The following SREK1IP1 variants were observed in gnomAD, a reference collection of about 807,000 sequenced individuals.
SREK1IP1 encodes the protein SREK1 interacting protein 1.
Under a neutral mutation model 22.8 loss-of-function variants are expected in SREK1IP1, and 12 were observed. The ratio of observed to expected loss-of-function variants is 0.53; its 90% CI spans 0.34 to 0.85. The LOEUF (loss-of-function observed/expected upper bound fraction) is 0.85, where lower values mean the gene tolerates loss of function less well. SREK1IP1 is among the 40% of genes least tolerant of loss of function. The pLI is 0.02. For synonymous variants in SREK1IP1, 53 were observed against 52.7 expected (o/e 1.01, Z -0.02); for missense variants, 147 against 171.8 (o/e 0.86, Z 0.81).
At chr5:64,732,906 C>G (rs1742402191) in intron 3 of SREK1IP1, among the ~76,000 whole-genome samples, 1 of 149,620 alleles carries the variant, frequency 6.7e-6, no homozygotes, top group Non-Finnish European at 1.5e-5. Flanking sequence ...ATAGAACCAA[C>G]TGATTTTTTG....
At chr5:64,741,657 T>C (rs1295378586) in intron 2 of SREK1IP1, among the ~76,000 whole-genome samples, 2 of 152,130 alleles carry the variant, frequency 1.3e-5, no homozygotes, top group African/African-American at 4.8e-5. Flanking sequence ...CATAATAATA[T>C]ACAAGCATTA....
At chr5:64,727,887 T>G (rs529305945) in intron 4 of SREK1IP1, 1 of 332,196 alleles carries the variant, frequency 3.0e-6, no homozygotes, top group Admixed American at 6.1e-5. Flanking sequence ...ATAAGTTAAT[T>G]TATTAGCCAT....
At chr5:64,741,023 AC>A in intron 3 of SREK1IP1, 33 bp downstream of exon 3, 1 of 1,580,404 alleles carries the variant, frequency 6.3e-7, no homozygotes, top group Non-Finnish European at 8.7e-7. Flanking sequence ...ACATTTACAA[AC>A]ATTTCTAAAG....
Position 64,760,409 on chromosome 5 carries a change from G to A in SREK1IP1, c.14-6047C>T, listed in dbSNP as rs539484270. On this transcript the variant is annotated intron_variant, in intron 1 of 4. Transcript: ENST00000513458. ...AAGACAGCTGGGCACAAAGGGAGGT[G>A]GGGGGAAAGTCTCTTGAGCAACTGC... Among the ~76,000 whole-genome samples the A allele has an allele frequency of 5.3e-5, 8 of 152,308 alleles. No homozygotes were observed. The South Asian group carries it at 1.0e-3, about 20-fold the overall frequency.
intron 1 of SREK1IP1, among the ~76,000 whole-genome samples, chr5:64,763,695 C>G (rs1213662479): frequency 6.6e-6 from 1 of 152,164 alleles, no homozygotes; most frequent in Non-Finnish European, 1.5e-5. Context: ...AATCAACCCT[C>G]TAATTATTCA....
Position 64,747,362 on chromosome 5 carries a change from G to T in SREK1IP1, c.62-6162C>A, listed in dbSNP as rs189238807. On this transcript the variant is annotated intron_variant, in intron 2 of 4. Coordinates refer to ENST00000513458, the MANE Select transcript of SREK1IP1 (RefSeq NM_173829.4). ...ATTATCTAGGAGCCTCCCAAGAATC[G>T]CCTTATTAGTATAAACTCAGGCATG... Among the ~76,000 whole-genome samples, 8 of 152,032 alleles carry T rather than the reference G, an allele frequency of 5.3e-5. 1 individual carries two copies. The East Asian group carries it at 5.8e-4, about 11-fold the overall frequency.
intron 3 of SREK1IP1, among the ~76,000 whole-genome samples, chr5:64,729,737 G>A (rs1378765833): frequency 6.6e-6 from 1 of 152,160 alleles, no homozygotes; most frequent in Non-Finnish European, 1.5e-5. Context: ...ATGATGGAAC[G>A]AAAGGAATCA....
intron 1 of SREK1IP1, among the ~76,000 whole-genome samples, chr5:64,762,717 C>T (rs1261467348): frequency 6.6e-6 from 1 of 152,038 alleles, no homozygotes; most frequent in Non-Finnish European, 1.5e-5. Context: ...TTTCTCAATG[C>T]AAGTATTCTG....
chr5:64,720,087 C>T lies in SREK1IP1; in HGVS notation c.*4297G>A, dbSNP rs1742131644. On this transcript the variant is annotated 3_prime_UTR_variant, in exon 5 of 5. Transcript: ENST00000513458. The stretch of plus-strand genomic sequence containing the variant: ...CACAGGTTAAGCCAAATTTTAAAAG[C>T]AAGGGGCCTTATTAAATTACAGCAC... 6.6e-6 allele frequency: 1 copy of T among 152,270 alleles called. No individual in the cohort carries two copies. 9.4% of individuals were successfully genotyped at this position (152,270 alleles called of 1,614,324 possible).
chr5:64,737,486 A>T (rs946709432), intron 3 of SREK1IP1, among the ~76,000 whole-genome samples: 25 of 149,176 alleles, frequency 1.7e-4, no homozygotes, highest in African/African-American at 6.0e-4. Flanking sequence ...GAAGAGGGCC[A>T]AGTGAAGTGG....
intron 2 of SREK1IP1, among the ~76,000 whole-genome samples, chr5:64,751,343 T>C (rs1742737237): frequency 6.6e-6 from 1 of 152,156 alleles, no homozygotes; most frequent in African/African-American, 2.4e-5. Flanking sequence ...TATGTTTAAT[T>C]AAATATCATA....
In SREK1IP1 at chr5:64,741,215, C is replaced by CA. The variant is rs748159911; in HGVS notation, c.62-16dup. ...CAGGTGACCAGCTAAGTGAAACAAA[C>CA]AAAAAAAATGTGAGTGATAAAACTA... On this transcript the variant is annotated splice_polypyrimidine_tract_variant and intron_variant, in intron 2 of 4. Transcript: ENST00000513458. The CA allele has an allele frequency of 1.9e-4, 304 of 1,594,382 alleles. 6 individuals carry two copies. In the East Asian group the frequency reaches 3.5e-3, roughly 18 times the overall value.
At chr5:64,760,631 C>A (rs183925206) in intron 1 of SREK1IP1, among the ~76,000 whole-genome samples, 65 of 152,302 alleles carry the variant, frequency 4.3e-4, no homozygotes, top group Admixed American at 2.4e-3. Flanking sequence ...GCAGTCCAAG[C>A]CTCTGATAAA....
intron 2 of SREK1IP1, among the ~76,000 whole-genome samples, chr5:64,743,352 G>A (rs969076809): frequency 2.0e-5 from 3 of 152,166 alleles, no homozygotes; most frequent in African/African-American, 7.2e-5. Flanking sequence ...GCCTAGGTGT[G>A]TAGTAGACTA....
At chr5:64,762,174 G>A (rs1742962399) in intron 1 of SREK1IP1, among the ~76,000 whole-genome samples, 1 of 152,092 alleles carries the variant, frequency 6.6e-6, no homozygotes, top group Non-Finnish European at 1.5e-5. Context: ...TGGAATTTAG[G>A]GAAGCCTGAC....
At chr5:64,727,553 A>ATATATATATATATATATATATATTTT in intron 4 of SREK1IP1, 1 of 84,674 alleles carries the variant, frequency 1.2e-5, no homozygotes, top group African/African-American at 5.5e-5. Context: ...ATATATATAT[A>ATATATATATATATATATATATATTTT]TTTTTTTTTT....
intron 3 of SREK1IP1, among the ~76,000 whole-genome samples, chr5:64,740,285 T>C (rs1742531592): frequency 1.3e-5 from 2 of 152,072 alleles, no homozygotes; most frequent in African/African-American, 4.8e-5. Context: ...TGATATCTGT[T>C]AGCCATAGAA....
intron 1 of SREK1IP1, among the ~76,000 whole-genome samples, chr5:64,763,495 C>A (rs1468077906): frequency 6.6e-6 from 1 of 151,216 alleles, no homozygotes; most frequent in Non-Finnish European, 1.5e-5. Context: ...CGAGACAGTG[C>A]CACTGCACTC....
intron 2 of SREK1IP1, among the ~76,000 whole-genome samples, chr5:64,742,358 G>A (rs749785117): frequency 1.3e-5 from 2 of 151,930 alleles, no homozygotes; most frequent in Non-Finnish European, 2.9e-5. Context: ...CTTAACAACC[G>A]AGAACAGTAA....
Sources: allele counts gnomAD v4.1 joint callset (sites outside exome capture counted in the v4.1 genomes callset), GRCh38; gene constraint gnomAD v4.1.1; transcripts MANE v1.5; gene names NCBI Gene and HGNC (gene_info 2026-07-23, HGNC 2026-07-21).